ST7: variants seen among roughly 807,000 people sequenced by gnomAD.
ST7 encodes suppressor of tumorigenicity 7 protein.
Under a neutral mutation model 78.7 loss-of-function variants are expected in ST7, and 28 were observed. That is an observed-to-expected ratio of 0.36 (90% CI 0.26 to 0.49). The LOEUF (loss-of-function observed/expected upper bound fraction) is 0.49, where lower values mean the gene tolerates loss of function less well. Ranked by LOEUF, ST7 falls within the 20% of genes least tolerant of loss-of-function variation. The pLI, the probability that ST7 is intolerant of heterozygous loss-of-function variation, is 0.99. For missense variants in ST7, 418 were observed against 696.0 expected (o/e 0.60, Z 4.49); for synonymous variants, 247 against 249.6 (o/e 0.99, Z 0.10).
At chr7:117,220,132 C>T (rs996905834) in intron 14 of ST7, among the ~76,000 whole-genome samples, 1 of 152,180 alleles carries the variant, frequency 6.6e-6, no homozygotes, top group East Asian at 1.9e-4. Flanking sequence ...ACCTTAGAGC[C>T]CTGGGTGCAT....
chr7:117,162,750 T>A (rs1807257148), intron 9 of ST7, among the ~76,000 whole-genome samples: 1 of 152,148 alleles, frequency 6.6e-6, no homozygotes, highest in African/African-American at 2.4e-5. Context: ...TTACATCTTA[T>A]TCCTATTAAC....
At chr7:116,988,789 T>C (rs1794295517) in intron 1 of ST7, among the ~76,000 whole-genome samples, 1 of 152,248 alleles carries the variant, frequency 6.6e-6, no homozygotes, top group Admixed American at 6.5e-5. Context: ...TTGAATTGAC[T>C]ATCCAACTTG....
chr7:117,023,104 T>C (rs1037352982), intron 1 of ST7: 2 of 152,220 alleles, frequency 1.3e-5, no homozygotes, highest in African/African-American at 4.8e-5. Context: ...GAAGGAAATG[T>C]CTTCATTTTC....
At chr7:116,972,888 C>T (rs1793503922) in intron 1 of ST7, 3 of 1,322,182 alleles carry the variant, frequency 2.3e-6, no homozygotes, top group Non-Finnish European at 3.2e-6. Flanking sequence ...CCTTAACCGC[C>T]TCGATGGTGG....
At chr7:116,988,132 CT>C (rs1296980682) in intron 1 of ST7, among the ~76,000 whole-genome samples, 1 of 152,192 alleles carries the variant, frequency 6.6e-6, no homozygotes, top group Non-Finnish European at 1.5e-5. Flanking sequence ...AAATTAACCC[CT>C]ATTATGACTT....
chr7:117,094,842 A>G (rs1800902040), intron 1 of ST7, among the ~76,000 whole-genome samples: 3 of 152,048 alleles, frequency 2.0e-5, no homozygotes, highest in Admixed American at 1.3e-4. Flanking sequence ...TAAATAACTT[A>G]GTTTCTCTAA....
chr7:117,219,425 T>G lies in ST7; in HGVS notation c.1498+249T>G, dbSNP rs2116151507. ...TTGAAATGTAGCTGAAGAAACCCTA[T>G]GTACTGATTGGCCTGAGCACAGAGA... On this transcript the variant is annotated intron_variant, in intron 14 of 15. Transcript: ENST00000323984. The surrounding 1 kb of genome is among the most constrained non-coding windows in gnomAD (Gnocchi z 5.1). Among the ~76,000 whole-genome samples, 1 of 152,308 alleles carries G rather than the reference T, an allele frequency of 6.6e-6. No individual in the cohort carries two copies. The highest frequency in any genetic ancestry group is 2.1e-4 in the South Asian group (1 of 4,820).
At chr7:117,179,928 G>A (rs1808623686) in intron 10 of ST7, among the ~76,000 whole-genome samples, 2 of 152,146 alleles carry the variant, frequency 1.3e-5, no homozygotes, top group African/African-American at 4.8e-5. Context: ...GGCTGGCGAG[G>A]TGACCTCTGA....
intron 9 of ST7, among the ~76,000 whole-genome samples, chr7:117,162,785 G>C (rs541324574): frequency 5.7e-4 from 86 of 152,170 alleles, no homozygotes; most frequent in Non-Finnish European, 1.0e-3. Context: ...CTTAAGGCCT[G>C]TGGGCCAAAT....
At chr7:117,223,826 CTTCA>C (rs1384027951) in intron 15 of ST7, 1 of 407,416 alleles carries the variant, frequency 2.5e-6, no homozygotes, top group Non-Finnish European at 3.3e-6. Flanking sequence ...AGAACGGTGT[CTTCA>C]TTATCTCTGT....
At chr7:116,958,697 G>T (rs1322740956) in intron 1 of ST7, 1 of 471,078 alleles carries the variant, frequency 2.1e-6, no homozygotes. Flanking sequence ...TGAGTCCCAT[G>T]AAATTTTTGG....
intron 1 of ST7, among the ~76,000 whole-genome samples, chr7:117,028,476 C>A (rs1013046106): frequency 1.3e-5 from 2 of 152,130 alleles, no homozygotes; most frequent in African/African-American, 4.8e-5. Context: ...CCACCTCTGG[C>A]TTCTTCTAGA....
At chr7:117,019,027 T>G (rs1334136509) in intron 1 of ST7, among the ~76,000 whole-genome samples, 1 of 152,164 alleles carries the variant, frequency 6.6e-6, no homozygotes, top group Non-Finnish European at 1.5e-5. Flanking sequence ...CTAATGATAT[T>G]TTTAGATGTT....
intron 13 of ST7, among the ~76,000 whole-genome samples, chr7:117,211,160 A>G (rs554433027): frequency 6.6e-6 from 1 of 152,328 alleles, no homozygotes; most frequent in East Asian, 1.9e-4. Context: ...TTTTTGTTTC[A>G]TTTTGAAAAT....
intron 13 of ST7, among the ~76,000 whole-genome samples, chr7:117,211,494 C>T (rs907325709): frequency 6.6e-6 from 1 of 152,106 alleles, no homozygotes; most frequent in African/African-American, 2.4e-5. Context: ...AGAGGCCTCA[C>T]CTAGTGTCAG....
intron 2 of ST7, among the ~76,000 whole-genome samples, chr7:117,102,874 A>G (rs1801671023): frequency 1.3e-5 from 2 of 152,204 alleles, no homozygotes; most frequent in Non-Finnish European, 2.9e-5. Context: ...AACGAATTCA[A>G]TAAAGTTGCA....
chr7:116,972,766 A>AT, intron 1 of ST7: 2 of 932,906 alleles, frequency 2.1e-6, no homozygotes, highest in Non-Finnish European at 3.5e-6. Flanking sequence ...CAAGGAGGCC[A>AT]CCTCAGCCTC....
At chr7:117,056,466 C>T (rs1392530928) in intron 1 of ST7, among the ~76,000 whole-genome samples, 2 of 151,914 alleles carry the variant, frequency 1.3e-5, no homozygotes, top group Non-Finnish European at 2.9e-5. Flanking sequence ...AACCCCATCT[C>T]TACTAAAAAA....
At chr7:117,165,392 C>T (rs1340425490) in intron 9 of ST7, among the ~76,000 whole-genome samples, 10 of 152,046 alleles carry the variant, frequency 6.6e-5, no homozygotes, top group South Asian at 2.1e-4. Context: ...TGAGTCAAAA[C>T]GTACAGGTTC....
Sources: gnomAD v4.1 joint callset for allele counts (sites outside exome capture counted in the v4.1 genomes callset) on GRCh38, gnomAD v4.1.1 for gene constraint, Gnocchi (gnomAD v3.1) non-coding constraint, MANE v1.5 for transcripts, NCBI Gene and HGNC (gene_info 2026-07-23, HGNC 2026-07-21) for gene names.